Variants in BATF3 observed in about 807,000 individuals in gnomAD.
BATF3 encodes the protein basic leucine zipper ATF-like transcription factor 3.
Under a neutral mutation model 16.1 loss-of-function variants are expected in BATF3, and 8 were observed. The ratio of observed to expected loss-of-function variants is 0.50; its 90% CI spans 0.29 to 0.90. BATF3 has a LOEUF of 0.90. Ranked by LOEUF, BATF3 falls within the 40% of genes least tolerant of loss-of-function variation. BATF3 has a pLI of 0.08. For missense variants in BATF3, 139 were observed against 167.0 expected, an observed-to-expected ratio of 0.83 and a Z score of 0.92; for synonymous variants, 74 against 72.7, an observed-to-expected ratio of 1.02 and a Z score of -0.09.
chr1:212,695,903 G>A (rs578072899), intron 2 of BATF3, among the ~76,000 whole-genome samples: 4 of 152,288 alleles, frequency 2.6e-5, no homozygotes, highest in African/African-American at 4.8e-5. Flanking sequence ...AAGATGGTTC[G>A]CTCCATTAAC....
chr1:212,697,679 T>C (rs1180160708), intron 1 of BATF3: 3 of 152,266 alleles, frequency 2.0e-5, no homozygotes, highest in Admixed American at 2.0e-4. Flanking sequence ...GGCTGACATT[T>C]TGTTTCAGAA....
chr1:212,696,883 G>A, intron 2 of BATF3, 78 bp downstream of exon 2: 1 of 1,041,786 alleles, frequency 9.6e-7, no homozygotes, highest in Non-Finnish European at 1.5e-6. Context: ...GTGATAAAGA[G>A]AACAGTCATC....
Position 212,686,581 on chromosome 1 carries a change from T to A in BATF3, c.*210A>T, listed in dbSNP as rs188230194. The A allele has an allele frequency of 4.1e-6, 3 of 732,596 alleles. No homozygotes were observed. In the African/African-American group the frequency reaches 5.3e-5, roughly 13 times the overall value. 45.4% of individuals were successfully genotyped at this position (732,596 alleles called of 1,614,324 possible). On this transcript the variant is annotated 3_prime_UTR_variant, in exon 3 of 3. Transcript: ENST00000243440. ...AAGTCACTCCTGAGGGTGGCCTCCATGCTGGATCTGCACAAGGGCTCTGTG... is the reference window on the plus strand; with the variant it reads ...AAGTCACTCCTGAGGGTGGCCTCCAAGCTGGATCTGCACAAGGGCTCTGTG...
In BATF3 at chr1:212,689,197, T is replaced by C. The variant is rs1481069387; in HGVS notation, c.196-2218A>G. Among the ~76,000 whole-genome samples the C allele has an allele frequency of 6.6e-6, 1 of 152,154 alleles. No homozygotes were observed. Among genetic ancestry groups the C allele is most frequent in the Non-Finnish European group, 1.5e-5 (1 of 68,030 alleles). On this transcript the variant is annotated intron_variant, in intron 2 of 2. Coordinates refer to ENST00000243440, the MANE Select transcript of BATF3 (RefSeq NM_018664.3). This position sits in a 1 kb window ranked among gnomAD's most constrained non-coding sequence, Gnocchi z 4.6. Reference sequence around the variant, plus strand: ...GACCTAGGAACTTCTGCTACTCCTCTCCTCTACCCCCTGCCTGATGCGCCA... The same window carrying C: ...GACCTAGGAACTTCTGCTACTCCTCCCCTCTACCCCCTGCCTGATGCGCCA...
chr1:212,692,215 C>G (rs1448036479), intron 2 of BATF3, among the ~76,000 whole-genome samples: 1 of 152,174 alleles, frequency 6.6e-6, no homozygotes, highest in Non-Finnish European at 1.5e-5. Flanking sequence ...CTCCTAAGAG[C>G]TGCAGCTGGG....
At chr1:212,687,926 C>G (rs1291012404) in intron 2 of BATF3, among the ~76,000 whole-genome samples, 1 of 110,390 alleles carries the variant, frequency 9.1e-6, no homozygotes. Context: ...GATCCCAACT[C>G]AAAAAAACAA....
chr1:212,686,549 G>A lies in BATF3; in HGVS notation c.*242C>T, dbSNP rs144053430. 1.0e-4 allele frequency: 53 copies of A among 531,058 alleles called. 2 individuals carry two copies. Among genetic ancestry groups the A allele is most frequent in the South Asian group, 3.5e-5 (1 of 28,952 alleles). The allele number at this position is 531,058 out of a possible 1,614,324, so 32.9% of individuals were successfully genotyped here. The stretch of plus-strand genomic sequence containing the variant: ...AGCAGAACCTACTAGCTGCCAGGGT[G>A]GATGAGAAGTCACTCCTGAGGGTGG... On this transcript the variant is annotated 3_prime_UTR_variant, in exon 3 of 3. Transcript: ENST00000243440.
At chr1:212,687,033 G>T in intron 2 of BATF3, 54 bp from the exon 3 acceptor site, 2 of 1,175,680 alleles carry the variant, frequency 1.7e-6, no homozygotes, top group Non-Finnish European at 1.3e-6. Flanking sequence ...CCCTTCCTCC[G>T]TCCTCCTGTG....
chr1:212,696,864 G>A, intron 2 of BATF3, 97 bp downstream of exon 2: 1 of 888,516 alleles, frequency 1.1e-6, no homozygotes, highest in South Asian at 1.5e-5. Context: ...TATGAGTGTT[G>A]CTGAAATCGT....
intron 2 of BATF3, chr1:212,687,335 C>T (rs1025315430): frequency 1.6e-5 from 4 of 251,760 alleles, no homozygotes; most frequent in East Asian, 8.3e-5. Context: ...ATGTGCTTTC[C>T]GAAGATCTCT....
At chr1:212,691,940 C>T (rs919531399) in intron 2 of BATF3, among the ~76,000 whole-genome samples, 1 of 152,194 alleles carries the variant, frequency 6.6e-6, no homozygotes, top group Admixed American at 6.5e-5. Flanking sequence ...GAGGTGTGAG[C>T]GGGTTGAAGG....
At chr1:212,693,351 G>A (rs1016591160) in intron 2 of BATF3, among the ~76,000 whole-genome samples, 3 of 152,282 alleles carry the variant, frequency 2.0e-5, no homozygotes, top group Middle Eastern at 3.4e-3. Flanking sequence ...TGTGACCAAC[G>A]ACACTTGTGT....
At chr1:212,688,467 C>T (rs561701716) in intron 2 of BATF3, among the ~76,000 whole-genome samples, 3 of 152,370 alleles carry the variant, frequency 2.0e-5, no homozygotes, top group Admixed American at 6.5e-5. Flanking sequence ...CTTCTCCGTC[C>T]GTCCTTGGAT....
rs1338145567 is a variant in BATF3, at chr1:212,694,539, C to G, written c.195+2422G>C. Among the ~76,000 whole-genome samples the G allele has an allele frequency of 2.6e-5, 4 of 152,338 alleles. No individual in the cohort carries two copies. The East Asian group carries it at 7.7e-4, about 29-fold the overall frequency. On this transcript the variant is annotated intron_variant, in intron 2 of 2. Transcript: ENST00000243440. ...ATACGTATTCAGTCCAGATTTACAA[C>G]TGATGTTTTTAAAACTAGTTTTTAA... is the stretch of plus-strand genomic sequence containing the variant.
intron 2 of BATF3, among the ~76,000 whole-genome samples, chr1:212,692,308 G>C (rs1219769001): frequency 1.3e-5 from 2 of 152,068 alleles, no homozygotes; most frequent in Non-Finnish European, 2.9e-5. Context: ...AATGATACAG[G>C]GATTAACATG....
At chr1:212,697,810 T>TA (rs1657167178) in intron 1 of BATF3, 1 of 152,086 alleles carries the variant, frequency 6.6e-6, no homozygotes, top group Non-Finnish European at 1.5e-5. Flanking sequence ...CTGACCATGG[T>TA]AAAAACACTT....
chr1:212,690,868 G>C (rs1656983890), intron 2 of BATF3, among the ~76,000 whole-genome samples: 1 of 152,184 alleles, frequency 6.6e-6, no homozygotes, highest in Admixed American at 6.5e-5. Context: ...AAATTAAGCT[G>C]CCTAAGGCAG....
At chr1:212,693,090 C>G (rs1186280545) in intron 2 of BATF3, among the ~76,000 whole-genome samples, 1 of 152,210 alleles carries the variant, frequency 6.6e-6, no homozygotes. Context: ...GCAAGGCGCT[C>G]TGTGCTCAAC....
chr1:212,691,591 A>C, intron 2 of BATF3, among the ~76,000 whole-genome samples: 1 of 152,242 alleles, frequency 6.6e-6, no homozygotes, highest in East Asian at 1.9e-4. Flanking sequence ...TCAGTTTCTA[A>C]GCCACATGGG....
Sources: allele counts gnomAD v4.1 joint callset (sites outside exome capture counted in the v4.1 genomes callset), GRCh38; gene constraint gnomAD v4.1.1; non-coding constraint Gnocchi (gnomAD v3.1); transcripts MANE v1.5; gene names NCBI Gene and HGNC (gene_info 2026-07-23, HGNC 2026-07-21).